PTCH1: variants seen among roughly 807,000 people sequenced by gnomAD.
PTCH1 encodes protein patched homolog 1.
A neutral mutation model predicts 144.6 loss-of-function variants in PTCH1; 14 were observed. That is an observed-to-expected ratio of 0.10 (90% confidence interval 0.06 to 0.15). The LOEUF (loss-of-function observed/expected upper bound fraction) is 0.15, where lower values mean the gene tolerates loss of function less well. Ranked by LOEUF, PTCH1 falls within the 10% of genes least tolerant of loss-of-function variation. The pLI, the probability that PTCH1 is intolerant of heterozygous loss-of-function variation, is 1.00. For missense variants in PTCH1, 1,623 were observed against 1,948.3 expected (o/e 0.83, Z 3.14); for synonymous variants, 833 against 793.6 (o/e 1.05, Z -0.83).
intron 1 of PTCH1, chr9:95,507,916 A>ACG (rs1191552450): frequency 2.9e-6 from 4 of 1,385,996 alleles, no homozygotes; most frequent in African/African-American, 1.5e-5. Flanking sequence ...ACACACACAC[A>ACG]CACGCACACA....
At chr9:95,516,658 CT>C in exon 1 of PTCH1, 2 of 1,611,758 alleles carry the variant, frequency 1.2e-6, no homozygotes, top group Admixed American at 1.7e-5. Context: ...CCCCTGTCGT[CT>C]TTTTCTTCTC....
intron 3 of PTCH1, chr9:95,483,006 C>T (rs1472186756): frequency 6.6e-6 from 1 of 152,084 alleles, no homozygotes; most frequent in African/African-American, 2.4e-5. Context: ...GCTATACAGA[C>T]AAGAAAATTA....
chr9:95,446,526 TG>T, intron 23 of PTCH1, 135 bp from the exon 24 acceptor site: 1 of 455,144 alleles, frequency 2.2e-6, no homozygotes, highest in South Asian at 1.7e-5. Context: ...GAGGTGTCCC[TG>T]GGGGCTGCTT....
chr9:95,501,174 C>T (rs80204111), intron 2 of PTCH1, among the ~76,000 whole-genome samples: 1 of 152,126 alleles, frequency 6.6e-6, no homozygotes, highest in Admixed American at 6.5e-5. Flanking sequence ...ACCAGTGGGT[C>T]TCAATCGTGA....
chr9:95,500,442 T>C (rs1395953136), intron 2 of PTCH1, among the ~76,000 whole-genome samples: 1 of 152,180 alleles, frequency 6.6e-6, no homozygotes. Context: ...TAGAAACTAA[T>C]AAATACCTAT....
exon 1 of PTCH1, chr9:95,516,940 G>A (rs1330706669): frequency 6.0e-6 from 5 of 832,694 alleles, no homozygotes; most frequent in East Asian, 2.7e-5. Flanking sequence ...CTCGAGGAAC[G>A]TGCTATCAGC....
intron 2 of PTCH1, among the ~76,000 whole-genome samples, chr9:95,490,883 C>T (rs1406885319): frequency 6.6e-6 from 1 of 152,130 alleles, no homozygotes; most frequent in East Asian, 1.9e-4. Flanking sequence ...ATGTTCTCAA[C>T]ACAAAAAAAT....
chr9:95,446,506 GTGTGGGCCTGAGGTGTCCC>G, intron 23 of PTCH1, 115 bp from the exon 24 acceptor site: 1 of 475,496 alleles, frequency 2.1e-6, no homozygotes, highest in South Asian at 1.6e-5. Context: ...CGAGAGTGGG[GTGTGGGCCTGAGGTGTCCC>G]TGGGGGCTGC....
chr9:95,447,844 C>A (rs1333916874), intron 22 of PTCH1, among the ~76,000 whole-genome samples: 1 of 152,234 alleles, frequency 6.6e-6, no homozygotes, highest in Admixed American at 6.5e-5. Context: ...GAGTGCAGGA[C>A]GCTGGCAGGA....
rs1201724299 is a variant in PTCH1, at chr9:95,444,903, G to A, written c.*1490C>T. 1.3e-5 allele frequency: 2 copies of A among 152,226 alleles called. No homozygotes were observed. The highest frequency in any genetic ancestry group is 4.8e-5 in the African/African-American group (2 of 41,438). 9.4% of individuals were successfully genotyped at this position (152,226 alleles called of 1,614,324 possible). A position where few individuals can be genotyped will look rare whatever the true frequency, so the allele number is the denominator to read the frequency against. On this transcript the variant is annotated 3_prime_UTR_variant, in exon 24 of 24. Transcript: ENST00000331920. Reference sequence around the variant, plus strand: ...GAAGCAACTTTTAAAAATATGCCTGGTTGAGAGACCTGCCCCTGCCTACAT... The same window carrying A: ...GAAGCAACTTTTAAAAATATGCCTGATTGAGAGACCTGCCCCTGCCTACAT...
At chr9:95,490,592 A>C (rs1269536518) in intron 2 of PTCH1, among the ~76,000 whole-genome samples, 3 of 151,902 alleles carry the variant, frequency 2.0e-5, no homozygotes, top group African/African-American at 7.3e-5. Context: ...CTTGGTAGAG[A>C]TATGAATTAA....
intron 6 of PTCH1, 130 bp from the exon 7 acceptor site, chr9:95,480,220 T>A: frequency 6.5e-7 from 1 of 1,536,830 alleles, no homozygotes; most frequent in East Asian, 2.3e-5. Context: ...GGGAGGTGTA[T>A]GGCAAATCTT....
chr9:95,489,340 GT>G (rs199500102), intron 2 of PTCH1, among the ~76,000 whole-genome samples: 1,558 of 152,072 alleles, frequency 0.01, 29 homozygotes, highest in East Asian at 0.034. Flanking sequence ...GGAGAAATAG[GT>G]TTCCCCCTTC....
intron 2 of PTCH1, among the ~76,000 whole-genome samples, chr9:95,496,678 AT>A (rs561318567): frequency 4.0e-5 from 6 of 151,724 alleles, no homozygotes; most frequent in South Asian, 2.1e-4. Context: ...AACATGTGCA[AT>A]TTTTTTTTCT....
At chr9:95,514,082 G>A (rs907909009), upstream of PTCH1, 1 of 152,178 alleles carries the variant, frequency 6.6e-6, no homozygotes, top group Non-Finnish European at 1.5e-5. Flanking sequence ...ATACTAGCTT[G>A]AAAGGGGAAT....
chr9:95,497,960 G>A (rs1020455390), intron 2 of PTCH1, among the ~76,000 whole-genome samples: 9 of 125,516 alleles, frequency 7.2e-5, no homozygotes, highest in East Asian at 2.5e-4. Context: ...ACCCTGCCTC[G>A]TGGCACGGAG....
intron 17 of PTCH1, among the ~76,000 whole-genome samples, chr9:95,459,001 C>G (rs919427780): frequency 6.6e-6 from 1 of 152,192 alleles, no homozygotes; most frequent in South Asian, 2.1e-4. Flanking sequence ...TTCTTTCTCA[C>G]ATCCTCCCTT....
intron 10 of PTCH1, among the ~76,000 whole-genome samples, chr9:95,477,269 A>T (rs905100943): frequency 6.6e-6 from 1 of 152,156 alleles, no homozygotes; most frequent in Non-Finnish European, 1.5e-5. Flanking sequence ...GCAAATGCCC[A>T]CCAGAGCTGA....
chr9:95,446,834 C>T (rs751496378), intron 23 of PTCH1, 77 bp downstream of exon 23: 78 of 1,596,368 alleles, frequency 4.9e-5, no homozygotes, highest in African/African-American at 1.1e-4. Context: ...TCGGGGATGC[C>T]GAGAACCCCA....
Sources: gnomAD v4.1 joint callset for allele counts (sites outside exome capture counted in the v4.1 genomes callset) on GRCh38, gnomAD v4.1.1 for gene constraint, MANE v1.5 for transcripts, NCBI Gene and HGNC (gene_info 2026-07-23, HGNC 2026-07-21) for gene names.